Variants in SH2D4B observed in about 807,000 individuals in gnomAD.
The protein encoded by SH2D4B is SH2 domain-containing protein 4B.
SH2D4B carries 45 observed loss-of-function variants against 61.5 expected under a neutral mutation model. The observed-to-expected ratio is 0.73, with a 90% CI of 0.58 to 0.94. The LOEUF is 0.94. Ranked by LOEUF, SH2D4B falls within the 40% of genes least tolerant of loss-of-function variation. The probability of loss-of-function intolerance (pLI) is 0.00; values close to 1 mark genes in which losing one functional copy is unlikely to be tolerated. For missense variants in SH2D4B, 572 were observed against 574.2 expected, an observed-to-expected ratio of 1.00 and a Z score of 0.04; for synonymous variants, 224 against 220.4, an observed-to-expected ratio of 1.02 and a Z score of -0.14.
At chr10:80,643,843 G>T in intron 7 of SH2D4B, 150 bp from the exon 8 acceptor site, 1 of 465,406 alleles carries the variant, frequency 2.1e-6, no homozygotes, top group Non-Finnish European at 3.6e-6. Flanking sequence ...TTTAAAGGCA[G>T]CTCTTTTTTC....
intron 1 of SH2D4B, among the ~76,000 whole-genome samples, chr10:80,543,960 A>G (rs1261687848): frequency 3.8e-5 from 4 of 106,116 alleles, no homozygotes; most frequent in African/African-American, 2.0e-4. Context: ...GCGCCCTGTC[A>G]AAACAGACCA....
chr10:80,642,525 C>T (rs1444293675), intron 7 of SH2D4B, among the ~76,000 whole-genome samples: 1 of 152,180 alleles, frequency 6.6e-6, no homozygotes, highest in Non-Finnish European at 1.5e-5. Flanking sequence ...AAACAATATA[C>T]CTGACACTTG....
chr10:80,589,017 TTTTTGAG>T (rs1842294918), intron 4 of SH2D4B, among the ~76,000 whole-genome samples: 1 of 152,046 alleles, frequency 6.6e-6, no homozygotes, highest in African/African-American at 2.4e-5. Context: ...TTTTTGTTCT[TTTTTGAG>T]ACGAAGTCTT....
chr10:80,585,620 G>A (rs962836001), intron 3 of SH2D4B, among the ~76,000 whole-genome samples: 1 of 152,140 alleles, frequency 6.6e-6, no homozygotes. Context: ...CAGCCAGGAT[G>A]GCAGAGTCCT....
intron 1 of SH2D4B, among the ~76,000 whole-genome samples, chr10:80,544,907 T>A (rs1163923239): frequency 6.6e-6 from 1 of 152,154 alleles, no homozygotes; most frequent in Non-Finnish European, 1.5e-5. Context: ...CTGCATGGAA[T>A]GCCCTTTCCC....
chr10:80,595,255 G>C (rs941752595), intron 4 of SH2D4B, among the ~76,000 whole-genome samples: 1 of 152,180 alleles, frequency 6.6e-6, no homozygotes, highest in African/African-American at 2.4e-5. Flanking sequence ...TGCCAGCACA[G>C]TGCAGTGCAA....
chr10:80,563,606 A>G (rs757888123), intron 1 of SH2D4B, among the ~76,000 whole-genome samples: 46 of 152,168 alleles, frequency 3.0e-4, no homozygotes, highest in Non-Finnish European at 4.8e-4. Context: ...ATTATGCAGT[A>G]TATGTTAATA....
At chr10:80,587,053 A>C (rs1461014944) in intron 3 of SH2D4B, among the ~76,000 whole-genome samples, 1 of 151,072 alleles carries the variant, frequency 6.6e-6, no homozygotes, top group Non-Finnish European at 1.5e-5. Flanking sequence ...ACATTTAAGA[A>C]CTGTAACACT....
intron 4 of SH2D4B, among the ~76,000 whole-genome samples, chr10:80,598,481 CCTTT>C (rs1191085840): frequency 2.0e-5 from 3 of 152,134 alleles, no homozygotes; most frequent in African/African-American, 7.2e-5. Flanking sequence ...CTCATCTTAG[CCTTT>C]CTTAAAGAAT....
At chr10:80,634,768 C>T (rs1842877724) in intron 7 of SH2D4B, among the ~76,000 whole-genome samples, 1 of 152,220 alleles carries the variant, frequency 6.6e-6, no homozygotes, top group South Asian at 2.1e-4. Flanking sequence ...ACCTTGGGTA[C>T]CTGAGTGCTC....
chr10:80,644,141 A>C lies in SH2D4B; in HGVS notation c.*56A>C. 7.1e-7 allele frequency: 1 copy of C among 1,400,142 alleles called. No homozygotes were observed. The highest frequency in any genetic ancestry group is 1.0e-6 in the Non-Finnish European group (1 of 991,790). The allele number at this position is 1,400,142 out of a possible 1,614,324, so 86.7% of individuals were successfully genotyped here. Reference sequence around the variant, plus strand: ...GTATCCTGTTTTTGAACTCAGCTTAAGAACTTCTCATCTCAAATCCTATGG... The same window carrying C: ...GTATCCTGTTTTTGAACTCAGCTTACGAACTTCTCATCTCAAATCCTATGG... On this transcript the variant is annotated 3_prime_UTR_variant, in exon 8 of 8. Transcript: ENST00000646907.
intron 4 of SH2D4B, among the ~76,000 whole-genome samples, chr10:80,599,328 C>T (rs534581170): frequency 1.3e-5 from 2 of 152,072 alleles, no homozygotes; most frequent in African/African-American, 4.8e-5. Context: ...GATGGGACAT[C>T]GTGCAGTTTC....
In SH2D4B at chr10:80,614,973, C is replaced by T. The variant is rs569329078; in HGVS notation, c.988+5422C>T. Among the ~76,000 whole-genome samples the T allele has an allele frequency of 5.3e-4, 81 of 152,316 alleles. No individual in the cohort carries two copies. The South Asian group carries it at 0.016, about 31-fold the overall frequency. On this transcript the variant is annotated intron_variant, in intron 6 of 7. Transcript: ENST00000646907. ...CCCTCCTGGGTAGCCCTCCTGGGAG[C>T]CCTGTGGATGAGGGGCAAACCCACT...
At chr10:80,541,106 T>C (rs932804458) in intron 1 of SH2D4B, among the ~76,000 whole-genome samples, 10 of 152,202 alleles carry the variant, frequency 6.6e-5, no homozygotes, top group Admixed American at 5.2e-4. Context: ...CAGCAGAGTC[T>C]GGGTTTCTAA....
intron 1 of SH2D4B, among the ~76,000 whole-genome samples, chr10:80,559,771 G>A (rs1179020886): frequency 6.6e-6 from 1 of 150,712 alleles, no homozygotes; most frequent in African/African-American, 2.4e-5. Flanking sequence ...CCGAGTAGCT[G>A]GAACTACACG....
Position 80,644,854 on chromosome 10 carries a change from G to T in SH2D4B, c.*769G>T, listed in dbSNP as rs1016102963. 6.6e-6 allele frequency: 1 copy of T among 152,198 alleles called. No individual in the cohort carries two copies. Among genetic ancestry groups the T allele is most frequent in the East Asian group, 1.9e-4 (1 of 5,202 alleles). 9.4% of individuals were successfully genotyped at this position (152,198 alleles called of 1,614,324 possible). A position where few individuals can be genotyped will look rare whatever the true frequency, so the allele number is the denominator to read the frequency against. ...GAATGGTTCTTAGAAATCTGATGAG[G>T]CCTCTGCTCTCTGGGATGTGGCCCT... On this transcript the variant is annotated 3_prime_UTR_variant, in exon 8 of 8. Coordinates refer to ENST00000646907, the MANE Select transcript of SH2D4B (RefSeq NM_001388272.1).
intron 3 of SH2D4B, among the ~76,000 whole-genome samples, chr10:80,583,658 ACT>A (rs1389541161): frequency 3.9e-5 from 6 of 152,186 alleles, no homozygotes; most frequent in Non-Finnish European, 7.4e-5. Flanking sequence ...TGACAGTGAG[ACT>A]CTGTCTCAAA....
chr10:80,538,587 C>A lies in SH2D4B; in HGVS notation c.184+72C>A. On this transcript the variant is annotated intron_variant, in intron 1 of 7. Coordinates refer to ENST00000646907, the MANE Select transcript of SH2D4B (RefSeq NM_001388272.1). The surrounding 1 kb of genome is among the most constrained non-coding windows in gnomAD (Gnocchi z 4.8). The stretch of plus-strand genomic sequence containing the variant: ...AGGTAGAAAAATTAGCAGGGCCAGG[C>A]TGTGCCCTTCTTCAAGATGGGCACT... The A allele has an allele frequency of 8.0e-7, 1 of 1,244,152 alleles. No individual in the cohort carries two copies. The highest frequency in any genetic ancestry group is 1.0e-6 in the Non-Finnish European group (1 of 965,530). The allele number at this position is 1,244,152 out of a possible 1,614,324, so 77.1% of individuals were successfully genotyped here. A position where few individuals can be genotyped will look rare whatever the true frequency, so the allele number is the denominator to read the frequency against.
chr10:80,611,702 G>A (rs1047089003), intron 6 of SH2D4B, among the ~76,000 whole-genome samples: 5 of 152,190 alleles, frequency 3.3e-5, no homozygotes, highest in East Asian at 1.9e-4. Context: ...CAGCTGTGCC[G>A]GGTGCTCCAA....
Sources: gnomAD v4.1 joint callset for allele counts (sites outside exome capture counted in the v4.1 genomes callset) on GRCh38, gnomAD v4.1.1 for gene constraint, Gnocchi (gnomAD v3.1) non-coding constraint, MANE v1.5 for transcripts, NCBI Gene and HGNC (gene_info 2026-07-23, HGNC 2026-07-21) for gene names.